The following RAB3IL1 variants were observed in gnomAD, a reference collection of about 807,000 sequenced individuals.
The protein encoded by RAB3IL1 is RAB3A interacting protein like 1, also known as guanine nucleotide exchange factor for Rab-3A.
A neutral mutation model predicts 49.2 loss-of-function variants in RAB3IL1; 37 were observed. The observed-to-expected ratio is 0.75, with a 90% CI of 0.58 to 0.99. RAB3IL1 has a LOEUF of 0.99. RAB3IL1 is among the 50% of genes least tolerant of loss of function. The pLI is 0.00. For missense variants in RAB3IL1, 484 were observed against 513.0 expected (o/e 0.94, Z 0.55); for synonymous variants, 193 against 213.9 (o/e 0.90, Z 0.85).
the RAB3IL1 span, among the ~76,000 whole-genome samples, chr11:61,938,983 C>T: frequency 1.3e-3 from 197 of 151,346 alleles, 1 homozygote; most frequent in African/African-American, 2.3e-3. Context: ...TAGTTGGAAA[C>T]GTCAATACTT....
chr11:61,934,483 TA>T, the RAB3IL1 span, among the ~76,000 whole-genome samples: 3 of 118,070 alleles, frequency 2.5e-5, no homozygotes, highest in African/African-American at 9.7e-5. Context: ...TATATATATA[TA>T]TATATATATA....
At chr11:61,917,272 C>G in intron 1 of RAB3IL1, 85 bp downstream of exon 1, 1 of 1,337,986 alleles carries the variant, frequency 7.5e-7, no homozygotes, top group South Asian at 1.8e-5. Context: ...GGCGCAGACC[C>G]GGCGGGGACC....
intron 8 of RAB3IL1, among the ~76,000 whole-genome samples, chr11:61,900,490 C>T (rs377411666): frequency 1.3e-5 from 2 of 152,066 alleles, no homozygotes; most frequent in East Asian, 1.9e-4. Context: ...GAGAGCGGGG[C>T]GAGGTCGGGG....
chr11:61,921,664 G>A (rs1447919649), upstream of RAB3IL1, among the ~76,000 whole-genome samples: 2 of 152,106 alleles, frequency 1.3e-5, no homozygotes, highest in Non-Finnish European at 2.9e-5. Context: ...CAGAGGCTGG[G>A]CCATCCTCGT....
chr11:61,898,373 A>G lies in RAB3IL1; in HGVS notation c.1067-13T>C. On this transcript the variant is annotated splice_polypyrimidine_tract_variant and intron_variant, in intron 9 of 9. Transcript: ENST00000394836. This position sits in a 1 kb window ranked among gnomAD's most constrained non-coding sequence, Gnocchi z 5.1. ...AACATGGGCTCTGCTGCAGGCAGAG[A>G]GAGGGTGAACAGGTCGGGGACAGCT... 6.2e-7 allele frequency: 1 copy of G among 1,611,476 alleles called. No individual in the cohort carries two copies. Among genetic ancestry groups the G allele is most frequent in the Non-Finnish European group, 8.5e-7 (1 of 1,178,450 alleles).
chr11:61,944,068 C>T, the RAB3IL1 span, among the ~76,000 whole-genome samples: 1 of 151,686 alleles, frequency 6.6e-6, no homozygotes, highest in Non-Finnish European at 1.5e-5. Context: ...ATCTTCCTCC[C>T]CTCCCCTCCC....
chr11:61,940,098 T>C, the RAB3IL1 span, among the ~76,000 whole-genome samples: 9 of 151,898 alleles, frequency 5.9e-5, no homozygotes, highest in African/African-American at 2.2e-4. Context: ...TGAGCTATGA[T>C]CGTACCACTT....
chr11:61,913,462 C>A (rs1263010260), intron 1 of RAB3IL1, among the ~76,000 whole-genome samples: 2 of 152,112 alleles, frequency 1.3e-5, no homozygotes, highest in South Asian at 2.1e-4. Context: ...GGATGGGAAG[C>A]AGATCAGAAC....
intron 8 of RAB3IL1, among the ~76,000 whole-genome samples, chr11:61,901,488 A>G (rs1423896103): frequency 2.0e-5 from 3 of 152,266 alleles, no homozygotes; most frequent in Admixed American, 1.3e-4. Context: ...GGAGCCCCGC[A>G]CTCTAACTGG....
At position 61,906,473 on chromosome 11, in the gene RAB3IL1, C is replaced by T. The variant is rs1260568137; in HGVS notation, c.650G>A (p.Gly217Asp). The change falls in exon 5 of 10, where the codon GGC (glycine) becomes GAC (aspartate). Residue 217 changes from glycine (G) to aspartate (D), a missense_variant. Gly to Asp is a moderately conservative substitution (Grantham distance 94). Transcript: ENST00000394836. The surrounding 1 kb of genome is among the most constrained non-coding windows in gnomAD (Gnocchi z 4.6). ...AGHTLTPDRE[G>D]KEVDTILFAE... ...CCCGCTTCCCACCCTCACCTCCTTG[C>T]CCTCTCTGTCTGGGGTGAGGGTGTG... 2 of 1,543,440 alleles carry T rather than the reference C, an allele frequency of 1.3e-6. No individual in the cohort carries two copies. Among genetic ancestry groups the T allele is most frequent in the East Asian group, 2.4e-5 (1 of 40,956 alleles).
the RAB3IL1 span, among the ~76,000 whole-genome samples, chr11:61,932,342 T>C: frequency 8.5e-5 from 13 of 152,190 alleles, no homozygotes; most frequent in South Asian, 4.2e-4. Context: ...AGTTTTCAAA[T>C]TGAAAAAGAC....
rs1358779973 is a variant in RAB3IL1, at chr11:61,908,256, A to G, written c.62T>C (p.Val21Ala). The G allele has an allele frequency of 1.3e-6, 2 of 1,521,792 alleles. No individual in the cohort carries two copies. Among genetic ancestry groups the G allele is most frequent in the Admixed American group, 2.0e-5 (1 of 49,580 alleles). 94.3% of individuals were successfully genotyped at this position (1,521,792 alleles called of 1,614,324 possible). A position where few individuals can be genotyped will look rare whatever the true frequency, so the allele number is the denominator to read the frequency against. ...GCAGGGGTCCGTGCTCTTCCAGGGGACCGGGACAGCTGCAAGGGGCGGCGG... is the reference window on the plus strand; with the variant it reads ...GCAGGGGTCCGTGCTCTTCCAGGGGGCCGGGACAGCTGCAAGGGGCGGCGG... Reference protein sequence around the residue: ...GLPPPLAAVPVPWKSTDPCQG... With the variant: ...GLPPPLAAVPAPWKSTDPCQG... Residue 21 changes from valine (V) to alanine (A), a missense_variant, in exon 2 of 10, where the codon GTC becomes GCC. Val to Ala is a moderately conservative substitution (Grantham distance 64). Transcript: ENST00000394836.
chr11:61,940,074 G>A, the RAB3IL1 span, among the ~76,000 whole-genome samples: 1 of 152,142 alleles, frequency 6.6e-6, no homozygotes. Flanking sequence ...GAGCCCAGGA[G>A]TTCAAAGCTG....
upstream of RAB3IL1, among the ~76,000 whole-genome samples, chr11:61,919,623 C>T (rs1459525192): frequency 6.6e-6 from 1 of 152,194 alleles, no homozygotes; most frequent in Non-Finnish European, 1.5e-5. Flanking sequence ...GGTTCCTGAG[C>T]ACATGCTAGG....
chr11:61,942,266 C>T, the RAB3IL1 span, among the ~76,000 whole-genome samples: 5 of 152,142 alleles, frequency 3.3e-5, no homozygotes, highest in African/African-American at 7.2e-5. Context: ...GCAGCATGAT[C>T]GTTAAGAGTC....
the RAB3IL1 span, among the ~76,000 whole-genome samples, chr11:61,939,044 T>A: frequency 3.3e-5 from 5 of 151,784 alleles, no homozygotes; most frequent in Admixed American, 3.3e-4. Flanking sequence ...ATAGAAGACT[T>A]GAACAGTGCT....
At chr11:61,901,936 C>T (rs1938937499) in intron 8 of RAB3IL1, among the ~76,000 whole-genome samples, 1 of 152,166 alleles carries the variant, frequency 6.6e-6, no homozygotes. Context: ...TTTGTTACAC[C>T]GTAATAGCAA....
chr11:61,945,495 T>C, the RAB3IL1 span, among the ~76,000 whole-genome samples: 1 of 152,208 alleles, frequency 6.6e-6, no homozygotes, highest in South Asian at 2.1e-4. Context: ...GCAAGTCATT[T>C]TCCTTCTCTG....
Position 61,906,356 on chromosome 11 carries a change from G to T in RAB3IL1, c.657+110C>A. The T allele has an allele frequency of 9.9e-7, 1 of 1,009,122 alleles. No homozygotes were observed. The highest frequency in any genetic ancestry group is 1.5e-6 in the Non-Finnish European group (1 of 672,672). The allele number at this position is 1,009,122 out of a possible 1,614,324, so 62.5% of individuals were successfully genotyped here. The stretch of plus-strand genomic sequence containing the variant: ...TCACATCCCAGAGAGGCGCAGGACA[G>T]GCTCCAGGTCACACAGCATGGGGCA... On this transcript the variant is annotated intron_variant, in intron 5 of 9. Transcript: ENST00000394836. The surrounding 1 kb of genome is among the most constrained non-coding windows in gnomAD (Gnocchi z 4.6).
Sources: allele counts gnomAD v4.1 joint callset (sites outside exome capture counted in the v4.1 genomes callset), GRCh38; gene constraint gnomAD v4.1.1; non-coding constraint Gnocchi (gnomAD v3.1); transcripts MANE v1.5; gene names NCBI Gene and HGNC (gene_info 2026-07-23, HGNC 2026-07-21).